CHRNE: variants seen among roughly 807,000 people sequenced by gnomAD.
The protein encoded by CHRNE is cholinergic receptor nicotinic epsilon subunit.
In CHRNE, 58 loss-of-function variants were observed where a neutral mutation model predicts 56.5. The ratio of observed to expected loss-of-function variants is 1.03; its 90% confidence interval spans 0.83 to 1.28. The LOEUF (loss-of-function observed/expected upper bound fraction) is 1.28, where lower values mean the gene tolerates loss of function less well. Ranked by LOEUF, CHRNE falls within the 50% of genes most tolerant of loss-of-function variation. The probability of loss-of-function intolerance (pLI) is 0.00; values close to 1 mark genes in which losing one functional copy is unlikely to be tolerated. For synonymous variants in CHRNE, 385 were observed against 297.9 expected (o/e 1.29, Z -3.01); for missense variants, 793 against 688.9 (o/e 1.15, Z -1.69).
Position 4,898,788 on chromosome 17 carries a change from GC to G in CHRNE, c.1429del (p.Ala477ProfsTer30), listed in dbSNP as rs1396286715. 1.2e-5 allele frequency: 19 copies of G among 1,609,108 alleles called. No individual in the cohort carries two copies. The highest frequency in any genetic ancestry group is 1.4e-5 in the Non-Finnish European group (17 of 1,178,334). ...SVGSSLIFLGAYFNRVPDLPY... is the reference protein window; with the variant it reads ...SVGSSLIFLGXYFNRVPDLPY... ...GAGATCAGGCACTCGGTTGAAGTAG[GC>G]CCCGAGGAAGATGAGGCTGGAGCCC... On this transcript the variant is annotated frameshift_variant, in exon 12 of 12. Transcript: ENST00000649488. LOFTEE classifies it high-confidence loss of function.
chr17:4,906,675 A>G, upstream of CHRNE, among the ~76,000 whole-genome samples: 1 of 152,154 alleles, frequency 6.6e-6, no homozygotes, highest in East Asian at 1.9e-4. Context: ...CAATATAGTG[A>G]GACCTCATCT....
rs1432803613 is a variant in CHRNE, at chr17:4,898,888, C to T, written c.1330G>A (p.Val444Met). Residue 444 changes from valine (V) to methionine (M), a missense_variant, in exon 12 of 12, where the codon GTG becomes ATG. Coordinates refer to ENST00000649488, the MANE Select transcript of CHRNE (RefSeq NM_000080.4). ...TRDQEATGEE[V>M]SDWVRMGNAL... ...TTCCCCATGCGCACCCAGTCGGACA[C>T]TTCCTGGGGAAGGGTCGGCACAGTC... The T allele has an allele frequency of 1.9e-6, 3 of 1,578,426 alleles. No homozygotes were observed. The highest frequency in any genetic ancestry group is 3.8e-5 in the Admixed American group (2 of 53,224).
upstream of CHRNE, among the ~76,000 whole-genome samples, chr17:4,903,889 G>A (rs1321011838): frequency 2.6e-5 from 4 of 152,154 alleles, no homozygotes; most frequent in African/African-American, 7.2e-5. Context: ...ACCAAGTCTC[G>A]CTCTGGCGCC....
At position 4,899,475 on chromosome 17, in the gene CHRNE, A is replaced by G. The variant is rs1230039635; in HGVS notation, c.1025T>C (p.Leu342Pro). Reference sequence around the variant, plus strand: ...CGCCCCCTCCGCGCTTACGTGGCGCAGCCGCGGGGACATGGCGTGGGTGGT... The same window carrying G: ...CGCCCCCTCCGCGCTTACGTGGCGCGGCCGCGGGGACATGGCGTGGGTGGT... ...TPTTHAMSPRLRHVLLELLPR... is the reference protein window; with the variant it reads ...TPTTHAMSPRPRHVLLELLPR... Residue 342 changes from leucine (L) to proline (P), a missense_variant, in exon 9 of 12, where the codon CTG becomes CCG. Leu to Pro is a moderately conservative substitution (Grantham distance 98). Coordinates refer to ENST00000649488, the MANE Select transcript of CHRNE (RefSeq NM_000080.4). The G allele has an allele frequency of 3.1e-6, 5 of 1,593,206 alleles. No individual in the cohort carries two copies. The highest frequency in any genetic ancestry group is 4.3e-6 in the Non-Finnish European group (5 of 1,171,498).
upstream of CHRNE, among the ~76,000 whole-genome samples, chr17:4,906,498 C>G (rs753397725): frequency 6.6e-6 from 1 of 152,134 alleles, no homozygotes; most frequent in Non-Finnish European, 1.5e-5. Context: ...GAAAAAAAAT[C>G]TAATAATCTG....
chr17:4,900,231 A>T (rs372493915), intron 8 of CHRNE: 1 of 1,547,370 alleles, frequency 6.5e-7, no homozygotes, highest in Non-Finnish European at 8.7e-7. Context: ...TGTGCCCCCA[A>T]TGCAGATCTC....
rs1311417839 is a variant in CHRNE at position 4,901,132 on chromosome 17, GCCA to G, written c.657_659del (p.Gly220del). On this transcript the variant is annotated inframe_deletion, in exon 7 of 12. Transcript: ENST00000649488. ...CAGTCTCCCCTGGGCCGTCGGTGGC[GCCA>G]CCGTGGTGGCGGCGGATCACCCCCG... 1.2e-6 allele frequency: 2 copies of G among 1,612,238 alleles called. No homozygotes were observed. Among genetic ancestry groups the G allele is most frequent in the Non-Finnish European group, 1.7e-6 (2 of 1,179,924 alleles).
rs769616672 is a variant in CHRNE, at chr17:4,901,890, C to G, written c.500+42G>C. On this transcript the variant is annotated intron_variant, in intron 5 of 11. Coordinates refer to ENST00000649488, the MANE Select transcript of CHRNE (RefSeq NM_000080.4). ...GTTGGCCCCGCCCCATAAGGCCCCC[C>G]CCCAACAATAATCGTCCGGGCCTCG... is the stretch of plus-strand genomic sequence containing the variant. The G allele has an allele frequency of 6.9e-6, 11 of 1,605,440 alleles. 1 individual carries two copies. The highest frequency in any genetic ancestry group is 9.4e-6 in the Non-Finnish European group (11 of 1,174,016).
Position 4,900,825 on chromosome 17 carries a change from T to G in CHRNE, c.885A>C (p.Pro295=). The G allele has an allele frequency of 6.2e-7, 1 of 1,614,118 alleles. No individual in the cohort carries two copies. Among genetic ancestry groups the G allele is most frequent in the Non-Finnish European group, 8.5e-7 (1 of 1,179,970 alleles). ...GGAGCGGCACGCTCAGAGAAGTCTC[T>G]GGGATTTTCTGGGCAATGAGGAACA... ...VFLFLIAQKI[P]ETSLSVPLLG... The change falls in exon 8 of 12, where the codon CCA becomes CCC. Residue 295 remains proline (P), a synonymous_variant. Transcript: ENST00000649488.
chr17:4,901,988 G>A lies in CHRNE; in HGVS notation c.444C>T (p.Cys148=), dbSNP rs970593355. 7 of 1,614,050 alleles carry A rather than the reference G, an allele frequency of 4.3e-6. No homozygotes were observed. Among genetic ancestry groups the A allele is most frequent in the African/African-American group, 1.3e-5 (1 of 75,018 alleles). The part of the protein sequence containing the change: ...WLPPAIYRSV[C]AVEVTYFPFD... Reference sequence around the variant, plus strand: ...AGGGGAAGTAGGTGACCTCCACTGCGCAGACGCTGCGGTAGATGGCCGGAG... The same window carrying A: ...AGGGGAAGTAGGTGACCTCCACTGCACAGACGCTGCGGTAGATGGCCGGAG... Residue 148 remains cysteine (C), a synonymous_variant, in exon 5 of 12, where the codon TGC becomes TGT. Transcript: ENST00000649488.
intron 11 of CHRNE, 21 bp from the exon 12 acceptor site, chr17:4,898,912 T>A: frequency 6.4e-7 from 1 of 1,570,908 alleles, no homozygotes; most frequent in Admixed American, 1.9e-5. Context: ...GTCGGCACAG[T>A]CAGTAAAGAG....
At chr17:4,908,421 A>C (rs1186445108) in intron 1 of CHRNE, among the ~76,000 whole-genome samples, 2 of 152,020 alleles carry the variant, frequency 1.3e-5, no homozygotes, top group Admixed American at 6.6e-5. Context: ...GGCTCTTGCC[A>C]CTTCCCACAT....
intron 8 of CHRNE, chr17:4,900,586 G>GAGCT: frequency 6.5e-7 from 1 of 1,546,574 alleles, no homozygotes; most frequent in African/African-American, 1.4e-5. Context: ...TCCCCCAAGA[G>GAGCT]AGCTACTCGG....
At position 4,898,601 on chromosome 17, in the gene CHRNE, C is replaced by G; in HGVS notation, c.*135G>C. On this transcript the variant is annotated 3_prime_UTR_variant, in exon 12 of 12. Coordinates refer to ENST00000649488, the MANE Select transcript of CHRNE (RefSeq NM_000080.4). ...CTACACACGCCAGGGAACGGGCACA[C>G]ACCATTCTTGTGAAGTTCACAAACT... is the stretch of plus-strand genomic sequence containing the variant. The G allele has an allele frequency of 8.0e-7, 1 of 1,253,208 alleles. No individual in the cohort carries two copies. The highest frequency in any genetic ancestry group is 1.1e-6 in the Non-Finnish European group (1 of 895,098). 77.6% of individuals were successfully genotyped at this position (1,253,208 alleles called of 1,614,324 possible).
rs779901038 is a variant in CHRNE at position 4,902,069 on chromosome 17, T to A, written c.363A>T (p.Gly121=). Residue 121 remains glycine, a synonymous_variant, in exon 5 of 12, where the codon GGA becomes GGT. Transcript: ENST00000649488. This position sits in a 1 kb window ranked among gnomAD's most constrained non-coding sequence, Gnocchi z 4.0. ...VLENNIDGQF[G]VAYDANVLVY... Reference sequence around the variant, plus strand: ...CGAGCACGTTGGCGTCGTAGGCCACTCCGAACTGGCCATCAATACTGTGGG... The same window carrying A: ...CGAGCACGTTGGCGTCGTAGGCCACACCGAACTGGCCATCAATACTGTGGG... 6.2e-7 allele frequency: 1 copy of A among 1,613,986 alleles called. No individual in the cohort carries two copies. The highest frequency in any genetic ancestry group is 1.1e-5 in the South Asian group (1 of 91,078).
intron 8 of CHRNE, chr17:4,900,307 G>A (rs1567637875): frequency 9.7e-6 from 15 of 1,545,474 alleles, no homozygotes; most frequent in Non-Finnish European, 1.2e-5. Flanking sequence ...CCAGACGGCA[G>A]GGATCCGGGT....
rs752019990 is a variant in CHRNE, at chr17:4,898,977, ACCCG to A, written c.1326+20_1326+23del. 1 of 1,273,058 alleles carries A rather than the reference ACCCG, an allele frequency of 7.9e-7. No individual in the cohort carries two copies. Among genetic ancestry groups the A allele is most frequent in the South Asian group, 2.6e-5 (1 of 38,492 alleles). The allele number at this position is 1,273,058 out of a possible 1,614,324, so 78.9% of individuals were successfully genotyped here. ...CAGTGGTGGGCCTCTGCCTCGCTCCACCCGCCTCTGGCTCCTGTCCCACCTCGCC... is the reference window on the plus strand; with the variant it reads ...CAGTGGTGGGCCTCTGCCTCGCTCCACCTCTGGCTCCTGTCCCACCTCGCC... On this transcript the variant is annotated intron_variant, in intron 11 of 11. Coordinates refer to ENST00000649488, the MANE Select transcript of CHRNE (RefSeq NM_000080.4).
Position 4,898,505 on chromosome 17 carries a change from T to C in CHRNE, c.*231A>G, listed in dbSNP as rs985439756. ...GGCTGAATGAAGGGCAGTCCTTGCT[T>C]TCTGGAAGACTGGCACCTGAGAGCC... On this transcript the variant is annotated 3_prime_UTR_variant, in exon 12 of 12. Coordinates refer to ENST00000649488, the MANE Select transcript of CHRNE (RefSeq NM_000080.4). 1 of 598,220 alleles carries C rather than the reference T, an allele frequency of 1.7e-6. No homozygotes were observed. The allele number at this position is 598,220 out of a possible 1,614,324, so 37.1% of individuals were successfully genotyped here. A position where few individuals can be genotyped will look rare whatever the true frequency, so the allele number is the denominator to read the frequency against.
rs1555545738 is a variant in CHRNE, at chr17:4,897,991, C to CCCCCCCCCCCCCCT, written c.*744_*745insAGGGGGGGGGGGGG. 2.1e-5 allele frequency: 3 copies of CCCCCCCCCCCCCCT among 145,838 alleles called. No individual in the cohort carries two copies. The highest frequency in any genetic ancestry group is 3.1e-5 in the Non-Finnish European group (2 of 65,150). 9.0% of individuals were successfully genotyped at this position (145,838 alleles called of 1,614,324 possible). A position where few individuals can be genotyped will look rare whatever the true frequency, so the allele number is the denominator to read the frequency against. On this transcript the variant is annotated 3_prime_UTR_variant, in exon 12 of 12. Transcript: ENST00000649488. ...GCAAGTAACCCTTCTCCCTCCCCCC[C>CCCCCCCCCCCCCCT]CACCCCTCCTCAATGTAGTGGCCTT...
Sources: gnomAD v4.1 joint callset for allele counts (sites outside exome capture counted in the v4.1 genomes callset) on GRCh38, gnomAD v4.1.1 for gene constraint, Gnocchi (gnomAD v3.1) non-coding constraint, MANE v1.5 for transcripts, NCBI Gene and HGNC (gene_info 2026-07-23, HGNC 2026-07-21) for gene names.